DSCAML1: variants seen among roughly 807,000 people sequenced by gnomAD.
The protein encoded by DSCAML1 is cell adhesion molecule DSCAML1.
Under a neutral mutation model 200.5 loss-of-function variants are expected in DSCAML1, and 38 were observed. That is an observed-to-expected ratio of 0.19 (90% CI 0.15 to 0.25). The LOEUF is 0.25. Ranked by LOEUF, DSCAML1 falls within the 10% of genes least tolerant of loss-of-function variation. The probability of loss-of-function intolerance (pLI) is 1.00; values close to 1 mark genes in which losing one functional copy is unlikely to be tolerated. For synonymous variants in DSCAML1, 1,215 were observed against 1,165.0 expected (o/e 1.04, Z -0.87); for missense variants, 2,223 against 2,858.8 (o/e 0.78, Z 5.07).
intron 1 of DSCAML1, among the ~76,000 whole-genome samples, chr11:117,807,696 C>A (rs1335264256): frequency 6.6e-6 from 1 of 152,144 alleles, no homozygotes; most frequent in East Asian, 1.9e-4. Flanking sequence ...GTATGAGAAA[C>A]CTTTGGGCGG....
chr11:117,526,234 G>A (rs370481801), intron 4 of DSCAML1, among the ~76,000 whole-genome samples: 3 of 152,104 alleles, frequency 2.0e-5, no homozygotes, highest in Non-Finnish European at 2.9e-5. Flanking sequence ...ACACACCTCC[G>A]CTGCTTATCC....
chr11:117,516,417 A>G lies in DSCAML1; in HGVS notation c.1783+50T>C. 1 of 1,582,626 alleles carries G rather than the reference A, an allele frequency of 6.3e-7. No individual in the cohort carries two copies. Among genetic ancestry groups the G allele is most frequent in the Middle Eastern group, 2.1e-4 (1 of 4,834 alleles). The stretch of plus-strand genomic sequence containing the variant: ...GTCCCAGCTGGGGAAAGGCCCACGC[A>G]TCCTGGGTGGTCAGGCGGGCAGGGG... On this transcript the variant is annotated intron_variant, in intron 8 of 32. Coordinates refer to ENST00000651296, the MANE Select transcript of DSCAML1 (RefSeq NM_020693.4). This position sits in a 1 kb window ranked among gnomAD's most constrained non-coding sequence, Gnocchi z 5.7.
chr11:117,477,595 C>T (rs760642984), intron 14 of DSCAML1, among the ~76,000 whole-genome samples: 8 of 152,038 alleles, frequency 5.3e-5, no homozygotes, highest in Non-Finnish European at 7.3e-5. Context: ...AATTGCTGCA[C>T]GAGGTATTTG....
At chr11:117,590,234 G>A (rs1471720408) in intron 3 of DSCAML1, among the ~76,000 whole-genome samples, 1 of 151,952 alleles carries the variant, frequency 6.6e-6, no homozygotes, top group Admixed American at 6.6e-5. Flanking sequence ...TGTTGCCCAG[G>A]CTGGAATGCA....
chr11:117,794,522 A>G (rs1300206751), intron 1 of DSCAML1, among the ~76,000 whole-genome samples: 1 of 152,114 alleles, frequency 6.6e-6, no homozygotes, highest in African/African-American at 2.4e-5. Context: ...TTCCATCCAA[A>G]GGATGCTCCA....
intron 1 of DSCAML1, among the ~76,000 whole-genome samples, chr11:117,816,914 G>T (rs1471601158): frequency 2.6e-5 from 4 of 152,136 alleles, no homozygotes; most frequent in Non-Finnish European, 5.9e-5. Flanking sequence ...GCTAGCGATC[G>T]GCCTGTCTGA....
chr11:117,784,848 T>A (rs1327231528), intron 1 of DSCAML1, among the ~76,000 whole-genome samples: 1 of 152,188 alleles, frequency 6.6e-6, no homozygotes, highest in Non-Finnish European at 1.5e-5. Flanking sequence ...TGGAATGGAA[T>A]GGGGCAGTTC....
chr11:117,560,452 C>G (rs1370810132), intron 3 of DSCAML1, among the ~76,000 whole-genome samples: 1 of 152,158 alleles, frequency 6.6e-6, no homozygotes, highest in African/African-American at 2.4e-5. Context: ...TTGCGTATTG[C>G]TCCATTCAAG....
intron 3 of DSCAML1, among the ~76,000 whole-genome samples, chr11:117,680,206 T>C (rs778159738): frequency 4.7e-4 from 72 of 152,310 alleles, no homozygotes; most frequent in Non-Finnish European, 9.6e-4. Context: ...TTTTTTTCCA[T>C]CATGCAAATG....
intron 12 of DSCAML1, 117 bp from the exon 13 acceptor site, chr11:117,481,387 G>T: frequency 2.1e-6 from 2 of 937,318 alleles, no homozygotes; most frequent in Non-Finnish European, 3.4e-6. Flanking sequence ...CTGGGAGGGG[G>T]ACCCACAGGG....
intron 3 of DSCAML1, among the ~76,000 whole-genome samples, chr11:117,571,152 CGCCTG>C (rs2050842060): frequency 6.6e-6 from 1 of 152,222 alleles, no homozygotes; most frequent in South Asian, 2.1e-4. Flanking sequence ...AGAGGGATCA[CGCCTG>C]TGCCCAGGGC....
Position 117,504,836 on chromosome 11 carries a change from C to T in DSCAML1, c.2182+88G>A. 6.7e-7 allele frequency: 1 copy of T among 1,483,036 alleles called. No individual in the cohort carries two copies. Among genetic ancestry groups the T allele is most frequent in the Non-Finnish European group, 9.0e-7 (1 of 1,111,286 alleles). The allele number at this position is 1,483,036 out of a possible 1,614,324, so 91.9% of individuals were successfully genotyped here. A position where few individuals can be genotyped will look rare whatever the true frequency, so the allele number is the denominator to read the frequency against. On this transcript the variant is annotated intron_variant, in intron 10 of 32. Transcript: ENST00000651296. This position sits in a 1 kb window ranked among gnomAD's most constrained non-coding sequence, Gnocchi z 5.0. ...ACTCCCATCCAGGGATAGGAGTTGC[C>T]TGCATGGAACAGGTTCAAATCCCAC...
At chr11:117,654,542 A>G (rs1445939220) in intron 3 of DSCAML1, among the ~76,000 whole-genome samples, 4 of 152,174 alleles carry the variant, frequency 2.6e-5, no homozygotes, top group Non-Finnish European at 4.4e-5. Context: ...CCTGGCTCAG[A>G]GGAGCGCTGC....
At chr11:117,514,870 C>A (rs929462191) in intron 8 of DSCAML1, among the ~76,000 whole-genome samples, 3 of 152,242 alleles carry the variant, frequency 2.0e-5, no homozygotes, top group African/African-American at 7.2e-5. Context: ...GCGTGGGCCA[C>A]TGCACCCGGC....
intron 3 of DSCAML1, among the ~76,000 whole-genome samples, chr11:117,625,425 G>A (rs2052023510): frequency 6.6e-6 from 1 of 152,188 alleles, no homozygotes; most frequent in Non-Finnish European, 1.5e-5. Flanking sequence ...GATGAGCAGG[G>A]GAGAGAACAC....
chr11:117,488,832 T>TA (rs1236499629), intron 11 of DSCAML1, among the ~76,000 whole-genome samples: 1 of 152,254 alleles, frequency 6.6e-6, no homozygotes. Flanking sequence ...GGCAGGATTC[T>TA]AAGTACTTTG....
chr11:117,569,095 AC>A (rs2050804034), intron 3 of DSCAML1, among the ~76,000 whole-genome samples: 1 of 152,202 alleles, frequency 6.6e-6, no homozygotes, highest in Non-Finnish European at 1.5e-5. Flanking sequence ...TCTTTGACAA[AC>A]CTGAGAAAAA....
chr11:117,726,429 A>G (rs1192038157), intron 3 of DSCAML1, among the ~76,000 whole-genome samples: 1 of 152,064 alleles, frequency 6.6e-6, no homozygotes, highest in African/African-American at 2.4e-5. Flanking sequence ...GGTAACATTT[A>G]TATTTATTTC....
At chr11:117,442,354 G>A (rs115695235) in intron 21 of DSCAML1, among the ~76,000 whole-genome samples, 2,704 of 152,116 alleles carry the variant, frequency 0.018, 98 homozygotes, top group African/African-American at 0.062. Flanking sequence ...GTGTGCATGT[G>A]TGTATGCATA....
Sources: gnomAD v4.1 joint callset for allele counts (sites outside exome capture counted in the v4.1 genomes callset) on GRCh38, gnomAD v4.1.1 for gene constraint, Gnocchi (gnomAD v3.1) non-coding constraint, MANE v1.5 for transcripts, NCBI Gene and HGNC (gene_info 2026-07-23, HGNC 2026-07-21) for gene names.